GRIA2: variants seen among roughly 807,000 people sequenced by gnomAD.
The protein encoded by GRIA2 is glutamate receptor 2.
A neutral mutation model predicts 97.3 loss-of-function variants in GRIA2; 14 were observed. The observed-to-expected ratio is 0.14, with a 90% CI of 0.10 to 0.23. The LOEUF (loss-of-function observed/expected upper bound fraction) is 0.23. Ranked by LOEUF, GRIA2 falls within the 10% of genes least tolerant of loss-of-function variation. The pLI is 1.00. For missense variants in GRIA2, 558 were observed against 1,069.8 expected (o/e 0.52, Z 6.67); for synonymous variants, 412 against 387.8 (o/e 1.06, Z -0.73).
Position 157,239,495 on chromosome 4 carries a change from T to C in GRIA2, c.229+17688T>C, listed in dbSNP as rs1244466579. Among the ~76,000 whole-genome samples, 5 of 152,004 alleles carry C rather than the reference T, an allele frequency of 3.3e-5. No individual in the cohort carries two copies. The East Asian group carries it at 9.6e-4, about 29-fold the overall frequency. On this transcript the variant is annotated intron_variant, in intron 2 of 15. Coordinates refer to ENST00000264426, the MANE Select transcript of GRIA2 (RefSeq NM_001083619.3). Reference sequence around the variant, plus strand: ...CTTCTAGTGGTTAATTCTATATTAATAACATAATTCTGTTGTTAATTTTAT... The same window carrying C: ...CTTCTAGTGGTTAATTCTATATTAACAACATAATTCTGTTGTTAATTTTAT...
At chr4:157,249,475 T>C (rs1313964372) in intron 2 of GRIA2, 1 of 152,156 alleles carries the variant, frequency 6.6e-6, no homozygotes, top group African/African-American at 2.4e-5. Context: ...ATTTATTGAA[T>C]GCTTTTGACA....
chr4:157,279,101 C>T (rs535222864), intron 2 of GRIA2, among the ~76,000 whole-genome samples: 46 of 152,190 alleles, frequency 3.0e-4, no homozygotes, highest in African/African-American at 9.6e-4. Flanking sequence ...AATCATGCTC[C>T]TTGGTATTTA....
chr4:157,356,014 T>C (rs1448714737), intron 12 of GRIA2, among the ~76,000 whole-genome samples: 3 of 107,888 alleles, frequency 2.8e-5, no homozygotes, highest in Non-Finnish European at 5.0e-5. Flanking sequence ...TATGTATTTA[T>C]ATATATTTAT....
intron 5 of GRIA2, among the ~76,000 whole-genome samples, chr4:157,319,543 T>C (rs1239894945): frequency 5.9e-5 from 9 of 152,206 alleles, no homozygotes; most frequent in Non-Finnish European, 1.3e-4. Flanking sequence ...ATGGAACTTC[T>C]AGTGAATCAA....
chr4:157,270,544 CT>C (rs1346017618), intron 2 of GRIA2, among the ~76,000 whole-genome samples: 2 of 152,050 alleles, frequency 1.3e-5, no homozygotes, highest in African/African-American at 4.8e-5. Context: ...ATATTTAAGA[CT>C]TTAAATCTTT....
chr4:157,253,590 T>A (rs993785569), intron 2 of GRIA2, among the ~76,000 whole-genome samples: 1 of 152,036 alleles, frequency 6.6e-6, no homozygotes, highest in East Asian at 1.9e-4. Flanking sequence ...TTTCAAAAAT[T>A]TAATTGAAAG....
intron 2 of GRIA2, among the ~76,000 whole-genome samples, chr4:157,272,726 C>G (rs1384268636): frequency 1.3e-5 from 2 of 152,100 alleles, no homozygotes; most frequent in South Asian, 4.1e-4. Flanking sequence ...GAAACTACTT[C>G]ACCAAAGCCT....
intron 2 of GRIA2, among the ~76,000 whole-genome samples, chr4:157,258,150 C>T (rs1350256196): frequency 6.6e-6 from 1 of 151,972 alleles, no homozygotes; most frequent in Non-Finnish European, 1.5e-5. Context: ...ATCTGGGCAC[C>T]TTGACAAAAG....
chr4:157,258,468 G>C (rs1396479833), intron 2 of GRIA2, among the ~76,000 whole-genome samples: 1 of 151,954 alleles, frequency 6.6e-6, no homozygotes, highest in Non-Finnish European at 1.5e-5. Flanking sequence ...AATAAATTTT[G>C]GTCAGACCGG....
chr4:157,358,329 C>A (rs1736482306), intron 12 of GRIA2, among the ~76,000 whole-genome samples: 1 of 152,080 alleles, frequency 6.6e-6, no homozygotes, highest in African/African-American at 2.4e-5. Flanking sequence ...TTATTAAGAA[C>A]CTACTATGTA....
At chr4:157,294,892 G>C (rs1201899569) in intron 2 of GRIA2, among the ~76,000 whole-genome samples, 2 of 152,242 alleles carry the variant, frequency 1.3e-5, no homozygotes, top group African/African-American at 4.8e-5. Context: ...AGCATGAGTT[G>C]AGCAAGAGTT....
At chr4:157,221,458 G>C in intron 1 of GRIA2, 1 of 584,212 alleles carries the variant, frequency 1.7e-6, no homozygotes, top group East Asian at 2.9e-5. Flanking sequence ...GTTTCTGGCC[G>C]CCTACCTCGC....
At chr4:157,288,171 A>G (rs1181837176) in intron 2 of GRIA2, among the ~76,000 whole-genome samples, 2 of 151,712 alleles carry the variant, frequency 1.3e-5, no homozygotes, top group East Asian at 3.9e-4. Flanking sequence ...TCTTGTACTA[A>G]TAAACTTGAA....
intron 2 of GRIA2, among the ~76,000 whole-genome samples, chr4:157,250,881 G>C (rs1012568497): frequency 6.6e-6 from 1 of 152,052 alleles, no homozygotes; most frequent in East Asian, 1.9e-4. Flanking sequence ...TATTAGCACA[G>C]TTACTAGAAA....
intron 12 of GRIA2, among the ~76,000 whole-genome samples, chr4:157,350,931 CTTTTTTT>C (rs1240937135): frequency 2.0e-4 from 23 of 117,534 alleles, no homozygotes; most frequent in Non-Finnish European, 3.1e-4. Context: ...TTAGTTTTTT[CTTTTTTT>C]TTTTTTTTTT....
rs1318994583 is a variant in GRIA2, at chr4:157,361,986, T to A, written c.2407-813T>A. 6.6e-6 allele frequency among the ~76,000 whole-genome samples: 1 copy of A among 152,092 alleles called. No individual in the cohort carries two copies. The highest frequency in any genetic ancestry group is 6.6e-5 in the Admixed American group (1 of 15,244). ...AATGAAACACTTAAGATTAAGTGATTATAGGGATGTGTGTTTTCCTTGTCT... is the reference window on the plus strand; with the variant it reads ...AATGAAACACTTAAGATTAAGTGATAATAGGGATGTGTGTTTTCCTTGTCT... On this transcript the variant is annotated intron_variant, in intron 14 of 15. Transcript: ENST00000264426. This position sits in a 1 kb window ranked among gnomAD's most constrained non-coding sequence, Gnocchi z 5.2.
chr4:157,221,697 A>C lies in GRIA2; in HGVS notation c.119A>C (p.Glu40Ala). ...CTATTTCCTAGGGGCGCCGATCAAG[A>C]ATACAGTGCATTTCGAGTAGGGATG... ...GGLFPRGADQ[E>A]YSAFRVGMVQ... Residue 40 changes from glutamate to alanine, a missense_variant, in exon 2 of 16, where the codon GAA becomes GCA. By Grantham distance (107) the Glu-to-Ala change is moderately radical (BLOSUM62 -1). Coordinates refer to ENST00000264426, the MANE Select transcript of GRIA2 (RefSeq NM_001083619.3). 6.2e-7 allele frequency: 1 copy of C among 1,614,116 alleles called. No individual in the cohort carries two copies. Among genetic ancestry groups the C allele is most frequent in the Non-Finnish European group, 8.5e-7 (1 of 1,179,974 alleles).
intron 12 of GRIA2, among the ~76,000 whole-genome samples, chr4:157,341,832 A>C (rs1355309573): frequency 1.3e-5 from 2 of 152,122 alleles, no homozygotes; most frequent in East Asian, 3.9e-4. Context: ...TATCTTACCT[A>C]GTTTATAATT....
intron 12 of GRIA2, among the ~76,000 whole-genome samples, chr4:157,349,200 G>A (rs764440904): frequency 2.0e-5 from 3 of 152,056 alleles, no homozygotes; most frequent in Non-Finnish European, 2.9e-5. Context: ...AGAAAGTATC[G>A]TGGTCCTTGA....
Sources: allele counts gnomAD v4.1 joint callset (sites outside exome capture counted in the v4.1 genomes callset), GRCh38; gene constraint gnomAD v4.1.1; non-coding constraint Gnocchi (gnomAD v3.1); transcripts MANE v1.5; gene names NCBI Gene and HGNC (gene_info 2026-07-23, HGNC 2026-07-21).